UBXN7: variants seen among roughly 807,000 people sequenced by gnomAD.
The protein encoded by UBXN7 is UBX domain-containing protein 7.
In UBXN7, 9 loss-of-function variants were observed where a neutral mutation model predicts 58.0. The ratio of observed to expected loss-of-function variants is 0.16; its 90% confidence interval spans 0.09 to 0.27. UBXN7 has a LOEUF of 0.27. Among genes scored for constraint, UBXN7 ranks in the 10% least tolerant of loss-of-function variants. The probability of loss-of-function intolerance (pLI) is 1.00; values close to 1 mark genes in which losing one functional copy is unlikely to be tolerated. For synonymous variants in UBXN7, 208 were observed against 205.0 expected, an observed-to-expected ratio of 1.01 and a Z score of -0.12; for missense variants, 328 against 599.6, an observed-to-expected ratio of 0.55 and a Z score of 4.73.
chr3:196,431,210 G>A (rs1307132148), intron 1 of UBXN7, among the ~76,000 whole-genome samples: 1 of 152,166 alleles, frequency 6.6e-6, no homozygotes, highest in African/African-American at 2.4e-5. Flanking sequence ...ACGAGATAAA[G>A]TATAGATCCG....
At chr3:196,383,953 G>A (rs1267170345) in intron 5 of UBXN7, among the ~76,000 whole-genome samples, 1 of 152,144 alleles carries the variant, frequency 6.6e-6, no homozygotes, top group Non-Finnish European at 1.5e-5. Context: ...TAAGATCAGA[G>A]CAGAACTGAA....
At chr3:196,429,207 G>A (rs1577484869) in intron 1 of UBXN7, among the ~76,000 whole-genome samples, 1 of 151,852 alleles carries the variant, frequency 6.6e-6, no homozygotes, top group East Asian at 1.9e-4. Context: ...GGCGCCTGTG[G>A]TCCCAGCTAC....
Position 196,371,973 on chromosome 3 carries a change from A to G in UBXN7, c.538T>C (p.Cys180Arg). 1 of 1,613,972 alleles carries G rather than the reference A, an allele frequency of 6.2e-7. No homozygotes were observed. The highest frequency in any genetic ancestry group is 8.5e-7 in the Non-Finnish European group (1 of 1,179,988). The change falls in exon 6 of 11, where the codon TGT becomes CGT. Residue 180 changes from cysteine to arginine, a missense_variant. Transcript: ENST00000296328. The part of the protein sequence containing the change: ...INIQNVQDFA[C>R]QCLNRDVWSN... Reference sequence around the variant, plus strand: ...CACACATCGCGGTTGAGGCACTGACATGCAAAGTCTTGAACATTTTGAATG... The same window carrying G: ...CACACATCGCGGTTGAGGCACTGACGTGCAAAGTCTTGAACATTTTGAATG...
At chr3:196,430,877 TAATC>T (rs1465604372) in intron 1 of UBXN7, among the ~76,000 whole-genome samples, 15 of 152,182 alleles carry the variant, frequency 9.9e-5, no homozygotes, top group African/African-American at 3.4e-4. Context: ...TTTAATATAA[TAATC>T]CAATCCTTTA....
At chr3:196,359,183 T>C (rs1274000433) in intron 10 of UBXN7, among the ~76,000 whole-genome samples, 1 of 152,206 alleles carries the variant, frequency 6.6e-6, no homozygotes, top group African/African-American at 2.4e-5. Context: ...ATGCTTGCAG[T>C]TCATTATTTT....
At chr3:196,432,184 T>G in intron 1 of UBXN7, 143 bp downstream of exon 1, 2 of 1,183,060 alleles carry the variant, frequency 1.7e-6, no homozygotes, top group Non-Finnish European at 2.5e-6. Context: ...CCCGACGCCG[T>G]CGTCGCCTCT....
chr3:196,367,303 T>C (rs1728698697), intron 8 of UBXN7, among the ~76,000 whole-genome samples: 1 of 152,168 alleles, frequency 6.6e-6, no homozygotes, highest in Non-Finnish European at 1.5e-5. Context: ...CAGTCTCTTA[T>C]TTGCAACCAA....
chr3:196,427,237 C>T (rs1730877916), intron 1 of UBXN7, among the ~76,000 whole-genome samples: 1 of 152,226 alleles, frequency 6.6e-6, no homozygotes. Flanking sequence ...TAATGGAATA[C>T]TGCCATGGCT....
chr3:196,380,685 C>T (rs1215184490), intron 5 of UBXN7, among the ~76,000 whole-genome samples: 2 of 152,240 alleles, frequency 1.3e-5, no homozygotes, highest in African/African-American at 2.4e-5. Flanking sequence ...GCCGCCTCAC[C>T]TGGGAAGTGC....
At chr3:196,423,513 G>A in intron 1 of UBXN7, 1 of 199,886 alleles carries the variant, frequency 5.0e-6, no homozygotes, top group Non-Finnish European at 1.0e-5. Context: ...ACCATTAGGT[G>A]CCAGCTGGCT....
chr3:196,392,537 G>A (rs536726714), intron 4 of UBXN7, among the ~76,000 whole-genome samples: 7 of 147,822 alleles, frequency 4.7e-5, no homozygotes, highest in Admixed American at 1.4e-4. Context: ...GTGTAGTGGC[G>A]CATGCCTGTA....
chr3:196,402,128 C>T (rs1259993049), intron 3 of UBXN7, among the ~76,000 whole-genome samples: 1 of 152,114 alleles, frequency 6.6e-6, no homozygotes, highest in East Asian at 1.9e-4. Flanking sequence ...TTAAGCAATT[C>T]TCATGCCTCA....
In UBXN7 at chr3:196,354,065, C is replaced by CTCCT. The variant is rs997986769; in HGVS notation, c.*2616_*2619dup. On this transcript the variant is annotated 3_prime_UTR_variant, in exon 11 of 11. Coordinates refer to ENST00000296328, the MANE Select transcript of UBXN7 (RefSeq NM_015562.2). ...GATTAAATTCTTGAGCAAGGCAATA[C>CTCCT]TCCTTATGGATTCTTCCCATGTACA... is the stretch of plus-strand genomic sequence containing the variant. 3 of 152,164 alleles carry CTCCT rather than the reference C, an allele frequency of 2.0e-5. No homozygotes were observed. The highest frequency in any genetic ancestry group is 7.2e-5 in the African/African-American group (3 of 41,432). 9.4% of individuals were successfully genotyped at this position (152,164 alleles called of 1,614,324 possible).
In UBXN7 at chr3:196,350,056, ATAGAT is replaced by A. The variant is rs1728176194; in HGVS notation, c.*6624_*6628del. 1 of 152,264 alleles carries A rather than the reference ATAGAT, an allele frequency of 6.6e-6. No homozygotes were observed. Among genetic ancestry groups the A allele is most frequent in the Non-Finnish European group, 1.5e-5 (1 of 68,046 alleles). 9.4% of individuals were successfully genotyped at this position (152,264 alleles called of 1,614,324 possible). On this transcript the variant is annotated 3_prime_UTR_variant, in exon 11 of 11. Transcript: ENST00000296328. ...TACAATAATGCGACTTCTCATATTT[ATAGAT>A]TAATCTGTGATTGCTCTTGGGAAAA...
intron 3 of UBXN7, 82 bp from the exon 4 acceptor site, chr3:196,393,701 T>TTTTTAATAAAATACTTCATATG: frequency 7.2e-7 from 1 of 1,397,958 alleles, no homozygotes; most frequent in Non-Finnish European, 9.8e-7. Context: ...TAAAAGTATT[T>TTTTTAATAAAATACTTCATATG]TTTTAATAAA....
chr3:196,431,733 C>T (rs1245619491), intron 1 of UBXN7: 2 of 449,040 alleles, frequency 4.5e-6, no homozygotes, highest in African/African-American at 4.0e-5. Flanking sequence ...CAGCACCCCC[C>T]GCTTCTGGCG....
chr3:196,431,873 G>C, intron 1 of UBXN7: 1 of 364,806 alleles, frequency 2.7e-6, no homozygotes, highest in Non-Finnish European at 5.5e-6. Flanking sequence ...GCAGGCCGGG[G>C]ACCGGGGCAG....
chr3:196,385,694 C>T (rs528030223), intron 5 of UBXN7, among the ~76,000 whole-genome samples: 5 of 151,780 alleles, frequency 3.3e-5, no homozygotes, highest in Admixed American at 1.3e-4. Context: ...GCCCAGCAGC[C>T]GCCCCGTCTG....
rs116722410 is a variant in UBXN7, at chr3:196,380,661, A to G, written c.469-8619T>C. Among the ~76,000 whole-genome samples, 697 of 152,352 alleles carry G rather than the reference A, an allele frequency of 4.6e-3. 3 individuals are homozygous for G. Among genetic ancestry groups the G allele is most frequent in the African/African-American group, 0.016 (660 of 41,576 alleles). ...GGTGCAGCCCACGGAGGGCGAGCTG[A>G]AGCAGGGCAGCGTGCCGCCTCACCT... On this transcript the variant is annotated intron_variant, in intron 5 of 10. Coordinates refer to ENST00000296328, the MANE Select transcript of UBXN7 (RefSeq NM_015562.2).
Sources: allele counts gnomAD v4.1 joint callset (sites outside exome capture counted in the v4.1 genomes callset), GRCh38; gene constraint gnomAD v4.1.1; transcripts MANE v1.5; gene names NCBI Gene and HGNC (gene_info 2026-07-23, HGNC 2026-07-21).